SETBP1: variants seen among roughly 807,000 people sequenced by gnomAD.
The protein encoded by SETBP1 is SET binding protein 1.
SETBP1 carries 9 observed loss-of-function variants against 101.0 expected under a neutral mutation model. That is an observed-to-expected ratio of 0.09 (90% CI 0.05 to 0.16). SETBP1 has a LOEUF of 0.16. Ranked by LOEUF, SETBP1 falls within the 10% of genes least tolerant of loss-of-function variation. The pLI is 1.00. For synonymous variants in SETBP1, 818 were observed against 788.5 expected (o/e 1.04, Z -0.63); for missense variants, 1,858 against 2,033.8 (o/e 0.91, Z 1.66).
intron 3 of SETBP1, among the ~76,000 whole-genome samples, chr18:44,903,552 CAA>C (rs2144842810): frequency 6.6e-6 from 1 of 152,236 alleles, no homozygotes; most frequent in East Asian, 1.9e-4. Context: ...GAGAAAGAAA[CAA>C]AGAAATGGAA....
chr18:44,977,764 G>T (rs1038857056), intron 4 of SETBP1, among the ~76,000 whole-genome samples: 1 of 152,178 alleles, frequency 6.6e-6, no homozygotes, highest in Non-Finnish European at 1.5e-5. Flanking sequence ...TTCTGCAGTT[G>T]CTGCCCAGAG....
chr18:45,029,931 A>G (rs2073254358), intron 4 of SETBP1, among the ~76,000 whole-genome samples: 1 of 151,364 alleles, frequency 6.6e-6, no homozygotes, highest in Non-Finnish European at 1.5e-5. Flanking sequence ...GGGGTTTTCT[A>G]GATATACAAT....
At chr18:44,783,474 A>T (rs2071176856) in intron 2 of SETBP1, among the ~76,000 whole-genome samples, 1 of 152,226 alleles carries the variant, frequency 6.6e-6, no homozygotes, top group Non-Finnish European at 1.5e-5. Context: ...GGAGCTCCTT[A>T]GATGCAATTT....
At chr18:44,911,443 A>G (rs1353997111) in intron 3 of SETBP1, among the ~76,000 whole-genome samples, 1 of 152,208 alleles carries the variant, frequency 6.6e-6, no homozygotes, top group Non-Finnish European at 1.5e-5. Flanking sequence ...ATATTCTCCA[A>G]TAAGAGGAAC....
In SETBP1 at chr18:45,063,313, G is replaced by A. The variant is rs2145593514; in HGVS notation, c.4406G>A (p.Arg1469Lys). 1 of 1,602,868 alleles carries A rather than the reference G, an allele frequency of 6.2e-7. No homozygotes were observed. Among genetic ancestry groups the A allele is most frequent in the African/African-American group, 1.3e-5 (1 of 74,608 alleles). ...CCCACCCAGTTCGATGAGGACTCCA[G>A]AGACCAAATGCCGGTGCTGGAAAAA... is the stretch of plus-strand genomic sequence containing the variant. ...KQPTQFDEDS[R>K]DQMPVLEKCI... The change falls in exon 6 of 6, where the codon AGA becomes AAA. Residue 1469 changes from arginine (R) to lysine (K), a missense_variant. By Grantham distance (26) the Arg-to-Lys change is conservative. This residue lies in a region of SETBP1 where 178 missense variants were observed against 189.1 expected (regional missense o/e 0.94). Coordinates refer to ENST00000649279, the MANE Select transcript of SETBP1 (RefSeq NM_015559.3).
intron 4 of SETBP1, among the ~76,000 whole-genome samples, chr18:45,014,810 TAG>T (rs970108084): frequency 1.3e-5 from 2 of 152,152 alleles, no homozygotes; most frequent in Non-Finnish European, 2.9e-5. Context: ...CTCCAACAAA[TAG>T]ACTTGTTGTA....
intron 5 of SETBP1, among the ~76,000 whole-genome samples, chr18:45,050,676 T>C (rs2073706612): frequency 6.6e-6 from 1 of 152,190 alleles, no homozygotes; most frequent in South Asian, 2.1e-4. Flanking sequence ...TTTTCAGTGG[T>C]CCCAGCAATG....
At chr18:44,774,694 A>G (rs1430146018) in intron 2 of SETBP1, among the ~76,000 whole-genome samples, 1 of 152,024 alleles carries the variant, frequency 6.6e-6, no homozygotes. Flanking sequence ...TTCTACAGAC[A>G]CTCTGGAAAA....
At chr18:45,055,260 G>T (rs1177055289) in intron 5 of SETBP1, among the ~76,000 whole-genome samples, 2 of 152,210 alleles carry the variant, frequency 1.3e-5, no homozygotes, top group East Asian at 3.9e-4. Flanking sequence ...CTTTAAAGCA[G>T]TGGGCTCCAG....
chr18:44,779,854 C>T (rs571531924), intron 2 of SETBP1, among the ~76,000 whole-genome samples: 3 of 152,164 alleles, frequency 2.0e-5, no homozygotes, highest in Non-Finnish European at 2.9e-5. Flanking sequence ...TGTTCCTCTG[C>T]GGTTGTGTTT....
intron 2 of SETBP1, among the ~76,000 whole-genome samples, chr18:44,731,675 T>C (rs764965989): frequency 6.6e-5 from 10 of 151,944 alleles, no homozygotes; most frequent in Middle Eastern, 3.4e-3. Context: ...CACACACACA[T>C]ATCCTTATAT....
intron 2 of SETBP1, among the ~76,000 whole-genome samples, chr18:44,836,977 C>G (rs1306769531): frequency 1.3e-5 from 2 of 152,204 alleles, no homozygotes; most frequent in Non-Finnish European, 2.9e-5. Context: ...TTTCTTTCCA[C>G]TTCTTCTTTA....
Position 44,924,780 on chromosome 18 carries a change from C to G in SETBP1, c.541-25101C>G, listed in dbSNP as rs1019140844. Among the ~76,000 whole-genome samples the G allele has an allele frequency of 2.6e-5, 4 of 152,320 alleles. No individual in the cohort carries two copies. In the East Asian group the frequency reaches 7.7e-4, roughly 29 times the overall value. ...GACTCCCAAACCAAAGTACATTGCT[C>G]ATCCCCCACCCTCAACCTTGGGGAT... On this transcript the variant is annotated intron_variant, in intron 3 of 5. Coordinates refer to ENST00000649279, the MANE Select transcript of SETBP1 (RefSeq NM_015559.3).
In SETBP1 at chr18:45,058,197, G is replaced by A. The variant is rs147362645; in HGVS notation, c.4172-4882G>A. Among the ~76,000 whole-genome samples, 922 of 152,342 alleles carry A rather than the reference G, an allele frequency of 6.1e-3. 10 individuals carry two copies. The highest frequency in any genetic ancestry group is 0.02 in the African/African-American group (848 of 41,566). On this transcript the variant is annotated intron_variant, in intron 5 of 5. Coordinates refer to ENST00000649279, the MANE Select transcript of SETBP1 (RefSeq NM_015559.3). ...AGAGCAGGCAAGATATAGGACAATT[G>A]TAGGAAGGAGAGCAAATATGGAATC...
intron 2 of SETBP1, among the ~76,000 whole-genome samples, chr18:44,809,434 C>T (rs1235492753): frequency 6.6e-6 from 1 of 152,166 alleles, no homozygotes; most frequent in African/African-American, 2.4e-5. Flanking sequence ...GTAATGTGTA[C>T]ATTTGATTCC....
In SETBP1 at chr18:44,938,997, C is replaced by G. The variant is rs542034462; in HGVS notation, c.541-10884C>G. On this transcript the variant is annotated intron_variant, in intron 3 of 5. Transcript: ENST00000649279. ...GTGTGTGTGTGTCTGTGTCTCTGTG[C>G]CTGTGTGTGTGTGTGTGATATAGGG... Among the ~76,000 whole-genome samples the G allele has an allele frequency of 4.2e-5, 6 of 143,280 alleles. No homozygotes were observed. The Admixed American group carries it at 4.2e-4, about 10-fold the overall frequency. The allele number at this position is 143,280 out of a possible 152,430, so 94.0% of individuals were successfully genotyped here. A position where few individuals can be genotyped will look rare whatever the true frequency, so the allele number is the denominator to read the frequency against.
chr18:44,917,228 A>T (rs758330350), intron 3 of SETBP1, among the ~76,000 whole-genome samples: 1 of 152,154 alleles, frequency 6.6e-6, no homozygotes, highest in Non-Finnish European at 1.5e-5. Flanking sequence ...GGAAGCCCTT[A>T]CTTGCTGCAT....
intron 4 of SETBP1, among the ~76,000 whole-genome samples, chr18:44,993,563 T>G (rs1599422542): frequency 6.6e-6 from 1 of 152,130 alleles, no homozygotes; most frequent in East Asian, 1.9e-4. Context: ...GAAATACATC[T>G]AACAAAATAC....
intron 3 of SETBP1, among the ~76,000 whole-genome samples, chr18:44,890,596 T>C (rs545905575): frequency 2.6e-5 from 4 of 152,220 alleles, no homozygotes; most frequent in African/African-American, 9.6e-5. Flanking sequence ...TATTTAATTT[T>C]GAGGATCCCT....
Sources: gnomAD v4.1 joint callset for allele counts (sites outside exome capture counted in the v4.1 genomes callset) on GRCh38, gnomAD v4.1.1 for gene constraint, gnomAD v4.1.1 regional missense constraint, MANE v1.5 for transcripts, NCBI Gene and HGNC (gene_info 2026-07-23, HGNC 2026-07-21) for gene names.